Variants in STIM2 observed in about 807,000 individuals in gnomAD.
STIM2 encodes stromal interaction molecule 2.
A neutral mutation model predicts 85.8 loss-of-function variants in STIM2; 31 were observed. The ratio of observed to expected loss-of-function variants is 0.36; its 90% CI spans 0.27 to 0.49. The LOEUF is 0.49. Ranked by LOEUF, STIM2 falls within the 20% of genes least tolerant of loss-of-function variation. STIM2 has a pLI of 0.98. For missense variants in STIM2, 841 were observed against 927.6 expected (o/e 0.91, Z 1.21); for synonymous variants, 356 against 331.1 (o/e 1.08, Z -0.82).
chr4:27,002,332 AATG>A lies in STIM2; in HGVS notation c.746_748del (p.Met249del), dbSNP rs755175219. On this transcript the variant is annotated inframe_deletion, in exon 6 of 12. Transcript: ENST00000467087. ...AGACATCAAAAGAACATGTTGCAAA[AATG>A]ATGAAAGATTTAGAGAGCTTACAAA... The A allele has an allele frequency of 4.3e-6, 7 of 1,613,566 alleles. No homozygotes were observed. The South Asian group carries it at 7.7e-5, about 18-fold the overall frequency.
intron 1 of STIM2, among the ~76,000 whole-genome samples, chr4:26,897,338 A>G (rs1192299083): frequency 1.3e-5 from 2 of 152,180 alleles, no homozygotes; most frequent in African/African-American, 2.4e-5. Context: ...CTATGGTGCT[A>G]TCTCCTTGGG....
chr4:26,955,353 A>G (rs1398695142), intron 2 of STIM2, among the ~76,000 whole-genome samples: 2 of 147,910 alleles, frequency 1.4e-5, no homozygotes, highest in African/African-American at 2.6e-5. Context: ...ATTTTTTAGG[A>G]CATTGTCTTT....
At chr4:27,019,381 T>G (rs1394129975) in intron 11 of STIM2, 2 of 1,274,824 alleles carry the variant, frequency 1.6e-6, no homozygotes. Context: ...TATGACTAGC[T>G]TTTCGTCTGT....
At chr4:26,919,791 C>T (rs1223628637) in intron 2 of STIM2, among the ~76,000 whole-genome samples, 157 bp downstream of exon 2, 2 of 152,106 alleles carry the variant, frequency 1.3e-5, no homozygotes, top group African/African-American at 2.4e-5. Context: ...CCTTAATAAA[C>T]ATTTACATGG....
chr4:26,917,967 A>G (rs1724648805), intron 1 of STIM2, among the ~76,000 whole-genome samples: 1 of 152,140 alleles, frequency 6.6e-6, no homozygotes, highest in South Asian at 2.1e-4. Context: ...AGGGATCATG[A>G]TTGACCATTA....
At chr4:27,019,863 AAG>A (rs1415560570) in intron 11 of STIM2, among the ~76,000 whole-genome samples, 1 of 152,246 alleles carries the variant, frequency 6.6e-6, no homozygotes, top group African/African-American at 2.4e-5. Flanking sequence ...CAACATTCCA[AAG>A]AGTATGTACT....
chr4:26,876,449 C>A (rs564847860), intron 1 of STIM2, among the ~76,000 whole-genome samples: 15 of 152,216 alleles, frequency 9.9e-5, no homozygotes, highest in African/African-American at 3.4e-4. Context: ...TAAAACTCGC[C>A]CTGCCTTGCT....
At chr4:26,898,432 C>G (rs1486788953) in intron 1 of STIM2, among the ~76,000 whole-genome samples, 1 of 152,162 alleles carries the variant, frequency 6.6e-6, no homozygotes, top group South Asian at 2.1e-4. Context: ...ATTGTCAACT[C>G]CATTCCTCCA....
intron 3 of STIM2, among the ~76,000 whole-genome samples, chr4:26,988,232 A>G (rs1354074345): frequency 1.3e-5 from 2 of 152,224 alleles, no homozygotes; most frequent in Non-Finnish European, 2.9e-5. Context: ...TAAGATGAAC[A>G]TGGACAATTA....
At chr4:26,911,169 G>A (rs893100477) in intron 1 of STIM2, among the ~76,000 whole-genome samples, 11 of 151,796 alleles carry the variant, frequency 7.2e-5, no homozygotes, top group Non-Finnish European at 1.3e-4. Flanking sequence ...CCCAGGAGGT[G>A]TAGGTTGCAA....
Position 27,022,634 on chromosome 4 carries a change from A to G in STIM2, c.1879A>G (p.Arg627Gly). The G allele has an allele frequency of 6.2e-7, 1 of 1,614,208 alleles. No individual in the cohort carries two copies. Among genetic ancestry groups the G allele is most frequent in the Non-Finnish European group, 8.5e-7 (1 of 1,180,016 alleles). ...AACATTATCTCCGCGAAAGATATCA[A>G]GAGATGAGGTGTCCCTAGAGGATTC... The change falls in exon 12 of 12, where the codon AGA becomes GGA. Residue 627 changes from arginine to glycine, a missense_variant. Around this residue, in one of 3 missense-constraint regions of STIM2, gnomAD observed 293 missense variants for 284.5 expected, o/e 1.03. Coordinates refer to ENST00000467087, the MANE Select transcript of STIM2 (RefSeq NM_020860.4).
intron 1 of STIM2, among the ~76,000 whole-genome samples, chr4:26,913,860 G>A (rs961595314): frequency 9.9e-5 from 15 of 152,176 alleles, no homozygotes; most frequent in African/African-American, 1.7e-4. Context: ...GTGATCTCAC[G>A]GTTGCATTAT....
intron 2 of STIM2, among the ~76,000 whole-genome samples, chr4:26,950,505 G>C (rs967642933): frequency 1.3e-5 from 2 of 152,074 alleles, no homozygotes; most frequent in African/African-American, 2.4e-5. Context: ...GAGGTGCTTA[G>C]ACTATGAGGG....
At chr4:27,011,557 T>C (rs1728558424) in intron 10 of STIM2, among the ~76,000 whole-genome samples, 2 of 152,320 alleles carry the variant, frequency 1.3e-5, no homozygotes, top group South Asian at 4.1e-4. Context: ...GCTCTCAAAA[T>C]AGTTTACATA....
rs192664991 is a variant in STIM2 at position 26,947,282 on chromosome 4, A to G, written c.283-10330A>G. ...GACAGATTCCCATATTAAAATAAGT[A>G]TGGAATAAACATTTTACATACGAAA... is the stretch of plus-strand genomic sequence containing the variant. On this transcript the variant is annotated intron_variant, in intron 2 of 11. Coordinates refer to ENST00000467087, the MANE Select transcript of STIM2 (RefSeq NM_020860.4). 2.4e-3 allele frequency among the ~76,000 whole-genome samples: 364 copies of G among 152,326 alleles called. 2 individuals carry two copies. Among genetic ancestry groups the G allele is most frequent in the Non-Finnish European group, 4.6e-3 (312 of 68,026 alleles).
rs987932019 is a variant in STIM2, at chr4:26,919,424, T to A, written c.152-80T>A. ...TTAGTCTGAAGTTTAATTCTGTTGGTTTTCTTTTAAATTATACTCTCTAAC... is the reference window on the plus strand; with the variant it reads ...TTAGTCTGAAGTTTAATTCTGTTGGATTTCTTTTAAATTATACTCTCTAAC... On this transcript the variant is annotated intron_variant, in intron 1 of 11. Transcript: ENST00000467087. The A allele has an allele frequency of 2.7e-5, 43 of 1,565,894 alleles. 1 individual carries two copies. In the Admixed American group the frequency reaches 8.7e-4, roughly 32 times the overall value.
intron 3 of STIM2, among the ~76,000 whole-genome samples, chr4:26,988,656 C>T (rs572695072): frequency 5.9e-5 from 9 of 152,288 alleles, no homozygotes; most frequent in African/African-American, 1.9e-4. Context: ...TTAAGAACCT[C>T]GACTCCATAC....
At chr4:26,899,189 A>G (rs1577424935) in intron 1 of STIM2, among the ~76,000 whole-genome samples, 2 of 152,062 alleles carry the variant, frequency 1.3e-5, no homozygotes, top group East Asian at 3.8e-4. Context: ...TATTCCCATG[A>G]TTACATGAGT....
intron 1 of STIM2, among the ~76,000 whole-genome samples, chr4:26,906,457 T>G (rs77040157): frequency 1.3e-5 from 2 of 150,044 alleles, no homozygotes; most frequent in Admixed American, 1.3e-4. Flanking sequence ...TTTTTTTTTT[T>G]TGAAAAGCTA....
Sources: allele counts gnomAD v4.1 joint callset (sites outside exome capture counted in the v4.1 genomes callset), GRCh38; gene constraint gnomAD v4.1.1; regional missense constraint gnomAD v4.1.1; transcripts MANE v1.5; gene names NCBI Gene and HGNC (gene_info 2026-07-23, HGNC 2026-07-21).